Variants in MCC observed in about 807,000 individuals in gnomAD.
MCC encodes MCC regulator of Wnt signaling pathway.
Under a neutral mutation model 116.2 loss-of-function variants are expected in MCC, and 90 were observed. The observed-to-expected ratio is 0.77, with a 90% CI of 0.65 to 0.92. MCC has a LOEUF of 0.92. MCC is among the 40% of genes least tolerant of loss of function. The pLI is 0.00. For synonymous variants in MCC, 578 were observed against 510.5 expected, an observed-to-expected ratio of 1.13 and a Z score of -1.78; for missense variants, 1,516 against 1,312.2, an observed-to-expected ratio of 1.16 and a Z score of -2.40.
chr5:113,190,966 T>C (rs1762125409), intron 3 of MCC, among the ~76,000 whole-genome samples: 2 of 152,220 alleles, frequency 1.3e-5, no homozygotes, highest in African/African-American at 4.8e-5. Flanking sequence ...GGGCAGAGCA[T>C]GGTGCCTGGC....
intron 3 of MCC, among the ~76,000 whole-genome samples, chr5:113,192,668 T>G (rs1298879065): frequency 6.6e-6 from 1 of 152,186 alleles, no homozygotes; most frequent in African/African-American, 2.4e-5. Context: ...TTCCATAAGT[T>G]TGTAAGGACT....
chr5:113,123,898 A>G (rs1356262327), intron 5 of MCC, among the ~76,000 whole-genome samples: 1 of 152,200 alleles, frequency 6.6e-6, no homozygotes, highest in East Asian at 1.9e-4. Context: ...GTTGTCAACA[A>G]CCAGAGGAGA....
rs542769643 is a variant in MCC at position 113,075,095 on chromosome 5, A to G, written c.1785-3861T>C. The stretch of plus-strand genomic sequence containing the variant: ...GCACTCGTGGGCCAGCACGAGTTCC[A>G]GCTCAGCATGGGCTCACCAGGCCCC... On this transcript the variant is annotated intron_variant, in intron 11 of 18. Coordinates refer to ENST00000408903, the MANE Select transcript of MCC (RefSeq NM_001085377.2). 3.3e-5 allele frequency among the ~76,000 whole-genome samples: 5 copies of G among 152,310 alleles called. 1 individual carries two copies. The South Asian group carries it at 1.0e-3, about 32-fold the overall frequency.
intron 11 of MCC, among the ~76,000 whole-genome samples, chr5:113,074,598 G>A (rs1237092683): frequency 2.6e-5 from 4 of 152,190 alleles, no homozygotes; most frequent in African/African-American, 4.8e-5. Flanking sequence ...CCAAGCTAAA[G>A]GAGGATGTTC....
chr5:113,204,479 C>T (rs1435598233), intron 3 of MCC: 6 of 152,216 alleles, frequency 3.9e-5, no homozygotes, highest in African/African-American at 1.4e-4. Context: ...CTAAAATATA[C>T]ACCAAATAAA....
At chr5:113,065,554 G>A (rs1037502291) in intron 13 of MCC, among the ~76,000 whole-genome samples, 4 of 152,134 alleles carry the variant, frequency 2.6e-5, no homozygotes, top group Non-Finnish European at 4.4e-5. Context: ...GTGGGCAGAA[G>A]TGGGAGACAC....
chr5:113,354,693 C>T (rs570765991), intron 2 of MCC, among the ~76,000 whole-genome samples: 1 of 151,914 alleles, frequency 6.6e-6, no homozygotes, highest in East Asian at 1.9e-4. Context: ...CCTCGGCCTC[C>T]CAAATGCTGG....
intron 1 of MCC, among the ~76,000 whole-genome samples, chr5:113,466,171 CTT>C (rs11400769): frequency 6.7e-5 from 10 of 149,506 alleles, no homozygotes; most frequent in East Asian, 1.9e-4. Context: ...AGTAGCCATT[CTT>C]TTTTTTTTTT....
intron 1 of MCC, among the ~76,000 whole-genome samples, chr5:113,388,911 C>T (rs1769336899): frequency 6.6e-6 from 1 of 152,156 alleles, no homozygotes; most frequent in Admixed American, 6.5e-5. Context: ...TCCATGCTAT[C>T]ATCTAGCATC....
intron 8 of MCC, among the ~76,000 whole-genome samples, chr5:113,097,973 A>G (rs902314452): frequency 4.6e-5 from 7 of 152,276 alleles, no homozygotes; most frequent in Admixed American, 3.3e-4. Flanking sequence ...ATACCCAGGT[A>G]GAGCACAGTG....
At chr5:113,426,410 T>A (rs1279248658) in intron 1 of MCC, among the ~76,000 whole-genome samples, 3 of 152,118 alleles carry the variant, frequency 2.0e-5, no homozygotes, top group South Asian at 2.1e-4. Context: ...TCAAAATCTA[T>A]CCCCAGGACT....
intron 2 of MCC, among the ~76,000 whole-genome samples, chr5:113,370,506 T>C (rs1353931325): frequency 1.3e-5 from 2 of 152,180 alleles, no homozygotes; most frequent in African/African-American, 2.4e-5. Context: ...TTCAGAAACA[T>C]AGACTAGATA....
intron 16 of MCC, chr5:113,044,514 C>A (rs563879745): frequency 1.0e-6 from 1 of 981,236 alleles, no homozygotes; most frequent in Non-Finnish European, 1.2e-6. Context: ...TGCTACCAAG[C>A]TGCAGACCTG....
intron 1 of MCC, among the ~76,000 whole-genome samples, chr5:113,457,282 C>T (rs1771595468): frequency 6.6e-6 from 1 of 152,250 alleles, no homozygotes; most frequent in Non-Finnish European, 1.5e-5. Context: ...AGGGACTTAG[C>T]ACCCGGGCCA....
intron 11 of MCC, 26 bp from the exon 12 acceptor site, chr5:113,071,260 A>C (rs531804808): frequency 6.2e-7 from 1 of 1,608,370 alleles, no homozygotes; most frequent in South Asian, 1.1e-5. Flanking sequence ...AATCAGATTC[A>C]CACTAGGGTT....
chr5:113,417,607 C>T (rs887304369), intron 1 of MCC, among the ~76,000 whole-genome samples: 1 of 152,122 alleles, frequency 6.6e-6, no homozygotes, highest in Non-Finnish European at 1.5e-5. Flanking sequence ...GTGCATTTTT[C>T]TAGATTTCTT....
At chr5:113,069,421 G>A (rs556651433) in intron 12 of MCC, among the ~76,000 whole-genome samples, 3 of 152,382 alleles carry the variant, frequency 2.0e-5, no homozygotes, top group South Asian at 2.1e-4. Flanking sequence ...ACAAGAGGAG[G>A]TGGAACATGT....
chr5:113,141,542 G>T (rs978347068), intron 5 of MCC, among the ~76,000 whole-genome samples: 1 of 152,218 alleles, frequency 6.6e-6, no homozygotes, highest in African/African-American at 2.4e-5. Flanking sequence ...CTGGGGAGAT[G>T]CCTAAGCCTC....
At chr5:113,169,675 A>T (rs1429892154) in intron 3 of MCC, among the ~76,000 whole-genome samples, 1 of 152,166 alleles carries the variant, frequency 6.6e-6, no homozygotes, top group Non-Finnish European at 1.5e-5. Context: ...TAGGTTTCTT[A>T]AAATGCATTG....
Sources: gnomAD v4.1 joint callset for allele counts (sites outside exome capture counted in the v4.1 genomes callset) on GRCh38, gnomAD v4.1.1 for gene constraint, MANE v1.5 for transcripts, NCBI Gene and HGNC (gene_info 2026-07-23, HGNC 2026-07-21) for gene names.